PLS1: variants seen among roughly 807,000 people sequenced by gnomAD.
PLS1 encodes plastin-1.
A neutral mutation model predicts 73.7 loss-of-function variants in PLS1; 32 were observed. The observed-to-expected ratio is 0.43, with a 90% CI of 0.33 to 0.58. The LOEUF is 0.58. Among genes scored for constraint, PLS1 ranks in the 20% least tolerant of loss-of-function variants. PLS1 has a pLI of 0.04. For missense variants in PLS1, 633 were observed against 740.5 expected (o/e 0.85, Z 1.68); for synonymous variants, 217 against 261.3 (o/e 0.83, Z 1.63).
chr3:142,612,011 T>A (rs2036131782), intron 1 of PLS1, among the ~76,000 whole-genome samples: 1 of 152,212 alleles, frequency 6.6e-6, no homozygotes, highest in African/African-American at 2.4e-5. Context: ...GCGCTCTCAA[T>A]GACATATTAT....
At chr3:142,673,408 G>A (rs1236887419) in intron 4 of PLS1, among the ~76,000 whole-genome samples, 1 of 152,054 alleles carries the variant, frequency 6.6e-6, no homozygotes, top group East Asian at 1.9e-4. Flanking sequence ...TCAGGTGATG[G>A]ACATTTGGGT....
At chr3:142,708,208 G>A (rs772825251) in intron 14 of PLS1, among the ~76,000 whole-genome samples, 1 of 152,012 alleles carries the variant, frequency 6.6e-6, no homozygotes, top group Non-Finnish European at 1.5e-5. Context: ...GGGAAGTCTG[G>A]TGTCCACATC....
At chr3:142,632,255 T>G (rs1357529) in intron 1 of PLS1, among the ~76,000 whole-genome samples, 91,598 of 151,890 alleles carry the variant, frequency 0.6, 28,285 homozygotes, top group African/African-American at 0.73. Flanking sequence ...CCCATCACAA[T>G]TTGAAGTAAG....
chr3:142,632,105 A>T (rs1480023356), intron 1 of PLS1, among the ~76,000 whole-genome samples: 1 of 152,218 alleles, frequency 6.6e-6, no homozygotes, highest in Non-Finnish European at 1.5e-5. Flanking sequence ...CCATAAGCAT[A>T]TAAAAAGATG....
chr3:142,627,796 CTTT>C (rs5853077), intron 1 of PLS1: 3 of 144,576 alleles, frequency 2.1e-5, no homozygotes, highest in East Asian at 2.0e-4. Flanking sequence ...TTTTTTCAGA[CTTT>C]TTTTTTTTTT....
chr3:142,678,976 A>C (rs894291979), intron 6 of PLS1, among the ~76,000 whole-genome samples: 4 of 152,084 alleles, frequency 2.6e-5, no homozygotes, highest in African/African-American at 9.7e-5. Context: ...TAACTGGTGT[A>C]AGATGGTATC....
At chr3:142,630,435 A>C (rs1285262072) in intron 1 of PLS1, among the ~76,000 whole-genome samples, 3 of 150,832 alleles carry the variant, frequency 2.0e-5, no homozygotes, top group African/African-American at 7.3e-5. Context: ...AAAAAAAAAA[A>C]AAAAACAAAC....
intron 1 of PLS1, chr3:142,655,091 T>C (rs773255800): frequency 2.0e-5 from 3 of 151,880 alleles, no homozygotes; most frequent in Non-Finnish European, 4.4e-5. Context: ...GGGATGAAAA[T>C]AAAATAGCAA....
intron 12 of PLS1, 147 bp downstream of exon 12, chr3:142,698,214 G>T (rs78432147): frequency 0.044 from 24,150 of 543,932 alleles, 746 homozygotes; most frequent in East Asian, 0.11. Context: ...TTACAAGTTT[G>T]CTTTAATAAA....
intron 2 of PLS1, among the ~76,000 whole-genome samples, chr3:142,667,249 T>C (rs2037498130): frequency 1.3e-5 from 2 of 152,062 alleles, no homozygotes; most frequent in African/African-American, 4.8e-5. Context: ...ACCCCATCTG[T>C]ACTAAAAATA....
intron 1 of PLS1, among the ~76,000 whole-genome samples, chr3:142,598,854 G>T (rs2035859320): frequency 6.6e-6 from 1 of 150,804 alleles, no homozygotes. Context: ...AAAATTAGCT[G>T]GGGGGGCATG....
intron 12 of PLS1, among the ~76,000 whole-genome samples, chr3:142,699,428 A>T (rs1424774988): frequency 6.6e-6 from 1 of 152,208 alleles, no homozygotes; most frequent in Non-Finnish European, 1.5e-5. Context: ...ATTGCACTCC[A>T]GCCTGGGTGA....
intron 1 of PLS1, among the ~76,000 whole-genome samples, chr3:142,626,418 A>C (rs1049510035): frequency 1.3e-5 from 2 of 152,190 alleles, no homozygotes; most frequent in Non-Finnish European, 2.9e-5. Flanking sequence ...TCATCCTGGC[A>C]GCCAAACATA....
intron 1 of PLS1, among the ~76,000 whole-genome samples, chr3:142,607,615 T>C (rs1322008364): frequency 6.6e-6 from 1 of 152,256 alleles, no homozygotes; most frequent in East Asian, 1.9e-4. Context: ...ACATGTTTGT[T>C]ATAATTAATG....
intron 1 of PLS1, among the ~76,000 whole-genome samples, chr3:142,600,901 TATATATATA>T (rs1176953242): frequency 6.0e-4 from 19 of 31,916 alleles, no homozygotes; most frequent in African/African-American, 3.8e-3. Flanking sequence ...TATATATATA[TATATATATA>T]TATATATTTT....
chr3:142,633,147 A>G (rs1224374997), intron 1 of PLS1, among the ~76,000 whole-genome samples: 1 of 152,256 alleles, frequency 6.6e-6, no homozygotes, highest in African/African-American at 2.4e-5. Context: ...CAAAGACTGT[A>G]TGATTCCACT....
chr3:142,703,366 G>A (rs933931183), intron 12 of PLS1, among the ~76,000 whole-genome samples: 1 of 148,690 alleles, frequency 6.7e-6, no homozygotes, highest in Admixed American at 6.8e-5. Context: ...CGCGATCTTG[G>A]CTCACTGCAA....
At chr3:142,625,046 C>A (rs2036393027) in intron 1 of PLS1, among the ~76,000 whole-genome samples, 2 of 152,044 alleles carry the variant, frequency 1.3e-5, no homozygotes, top group South Asian at 4.1e-4. Context: ...ACAAATGTTA[C>A]TAATGGTTTG....
chr3:142,664,058 C>G (rs2037427207), intron 1 of PLS1, 144 bp from the exon 2 acceptor site: 1 of 388,476 alleles, frequency 2.6e-6, no homozygotes, highest in Non-Finnish European at 4.7e-6. Flanking sequence ...AGATTGTTAC[C>G]AGGGGACCTA....
Sources: allele counts gnomAD v4.1 joint callset (sites outside exome capture counted in the v4.1 genomes callset), GRCh38; gene constraint gnomAD v4.1.1; transcripts MANE v1.5; gene names NCBI Gene and HGNC (gene_info 2026-07-23, HGNC 2026-07-21).